Variants in PDE6A observed in about 807,000 individuals in gnomAD.
PDE6A encodes the protein rod cGMP-specific 3',5'-cyclic phosphodiesterase subunit alpha.
In PDE6A, 84 loss-of-function variants were observed where a neutral mutation model predicts 106.3. The observed-to-expected ratio is 0.79, with a 90% CI of 0.66 to 0.95. PDE6A has a LOEUF of 0.95. Ranked by LOEUF, PDE6A falls within the 40% of genes least tolerant of loss-of-function variation. PDE6A has a pLI of 0.00. For missense variants in PDE6A, 1,052 were observed against 1,084.9 expected (o/e 0.97, Z 0.43); for synonymous variants, 394 against 386.6 (o/e 1.02, Z -0.23).
At chr5:149,900,965 G>A (rs895867496) in intron 8 of PDE6A, among the ~76,000 whole-genome samples, 10 of 152,156 alleles carry the variant, frequency 6.6e-5, no homozygotes, top group African/African-American at 2.4e-4. Flanking sequence ...ACCCAGGCAG[G>A]AGTATAGTGG....
chr5:149,916,136 C>A (rs1460012571), intron 5 of PDE6A, among the ~76,000 whole-genome samples: 1 of 152,172 alleles, frequency 6.6e-6, no homozygotes, highest in Admixed American at 6.5e-5. Flanking sequence ...CCATGCCCGG[C>A]CTCATTTCTC....
chr5:149,931,130 A>G lies in PDE6A; in HGVS notation c.756T>C (p.Leu252=), dbSNP rs552900459. The G allele has an allele frequency of 6.2e-7, 1 of 1,614,172 alleles. No individual in the cohort carries two copies. The highest frequency in any genetic ancestry group is 1.7e-5 in the Admixed American group (1 of 60,026). Residue 252 remains leucine (L), a synonymous_variant, in exon 4 of 22, where the codon CTT becomes CTC. Coordinates refer to ENST00000255266, the MANE Select transcript of PDE6A (RefSeq NM_000440.3). ...LWSGSKVFEE[L]TDIERQFHKA... is the part of the protein sequence containing the mutation. Reference sequence around the variant, plus strand: ...TGTGGAACTGTCGTTCGATGTCCGTAAGTTCTTCAAAGACTTTGCTCCCAG... The same window carrying G: ...TGTGGAACTGTCGTTCGATGTCCGTGAGTTCTTCAAAGACTTTGCTCCCAG...
intron 17 of PDE6A, among the ~76,000 whole-genome samples, chr5:149,877,864 A>C (rs1760796353): frequency 6.6e-6 from 1 of 152,132 alleles, no homozygotes; most frequent in Non-Finnish European, 1.5e-5. Flanking sequence ...CCATGTGGGG[A>C]GGGGCCGACT....
At chr5:149,926,434 G>A (rs1581205995) in intron 4 of PDE6A, among the ~76,000 whole-genome samples, 1 of 151,930 alleles carries the variant, frequency 6.6e-6, no homozygotes, top group Non-Finnish European at 1.5e-5. Flanking sequence ...TTGGATGCTT[G>A]TACAGAAAAA....
chr5:149,862,207 G>C (rs1760169379), intron 21 of PDE6A, among the ~76,000 whole-genome samples: 1 of 152,180 alleles, frequency 6.6e-6, no homozygotes, highest in South Asian at 2.1e-4. Context: ...AAATGACTTG[G>C]GGGAGGGGCA....
chr5:149,929,107 T>C (rs1753951087), intron 4 of PDE6A, among the ~76,000 whole-genome samples: 1 of 152,236 alleles, frequency 6.6e-6, no homozygotes, highest in Non-Finnish European at 1.5e-5. Context: ...TCTGAAATTC[T>C]ACTTCTAGGT....
In PDE6A at chr5:149,921,752, T is replaced by G. The variant is rs1165476578; in HGVS notation, c.859-43A>C. 3.3e-6 allele frequency: 5 copies of G among 1,513,826 alleles called. No individual in the cohort carries two copies. The Admixed American group carries it at 8.4e-5, about 26-fold the overall frequency. The allele number at this position is 1,513,826 out of a possible 1,614,324, so 93.8% of individuals were successfully genotyped here. Reference sequence around the variant, plus strand: ...AATAATTACATGTTTTGAAAAGAGATCAAGGAAAGGAGATTAAGATGTCCC... The same window carrying G: ...AATAATTACATGTTTTGAAAAGAGAGCAAGGAAAGGAGATTAAGATGTCCC... On this transcript the variant is annotated intron_variant, in intron 4 of 21. Transcript: ENST00000255266.
At chr5:149,918,346 A>C (rs566545486) in intron 5 of PDE6A, among the ~76,000 whole-genome samples, 2 of 152,334 alleles carry the variant, frequency 1.3e-5, no homozygotes, top group South Asian at 2.1e-4. Flanking sequence ...ATATTCAGTT[A>C]AGTGAAAAAA....
At chr5:149,928,224 T>TAC (rs1753921658) in intron 4 of PDE6A, among the ~76,000 whole-genome samples, 2 of 59,862 alleles carry the variant, frequency 3.3e-5, no homozygotes, top group South Asian at 4.4e-4. Context: ...TATATATATA[T>TAC]ATATATATTT....
intron 6 of PDE6A, among the ~76,000 whole-genome samples, chr5:149,911,350 T>G (rs958426323): frequency 6.6e-6 from 1 of 152,184 alleles, no homozygotes; most frequent in Non-Finnish European, 1.5e-5. Flanking sequence ...CCAATCTGCT[T>G]TTTTGTTCTT....
chr5:149,915,704 T>A (rs1005204294), intron 5 of PDE6A, among the ~76,000 whole-genome samples: 2 of 152,196 alleles, frequency 1.3e-5, no homozygotes, highest in African/African-American at 4.8e-5. Context: ...GACATTTTTG[T>A]CATACCCAAA....
chr5:149,869,316 C>T (rs188413277), intron 17 of PDE6A, among the ~76,000 whole-genome samples: 38 of 130,448 alleles, frequency 2.9e-4, no homozygotes, highest in African/African-American at 1.0e-3. Context: ...GGCGACAGAT[C>T]GAGACTCCAT....
chr5:149,908,078 C>G (rs1753257877), intron 6 of PDE6A, among the ~76,000 whole-genome samples: 1 of 152,112 alleles, frequency 6.6e-6, no homozygotes, highest in Non-Finnish European at 1.5e-5. Context: ...TTTCCTGTAC[C>G]TGTTAGTTTA....
chr5:149,936,331 C>T (rs1214961051), intron 1 of PDE6A, among the ~76,000 whole-genome samples: 1 of 152,100 alleles, frequency 6.6e-6, no homozygotes, highest in Non-Finnish European at 1.5e-5. Flanking sequence ...TTAAGAGAAG[C>T]TTGTAGTGCT....
intron 20 of PDE6A, among the ~76,000 whole-genome samples, chr5:149,865,239 C>CAA (rs368494356): frequency 0.043 from 4,534 of 105,324 alleles, 297 homozygotes; most frequent in African/African-American, 0.14. Context: ...GATTCTGTCT[C>CAA]AAAAAAAAAA....
rs1760217483 is a variant in PDE6A, at chr5:149,863,485, G to A, written c.2359-219C>T. 6.6e-6 allele frequency among the ~76,000 whole-genome samples: 1 copy of A among 152,198 alleles called. No homozygotes were observed. The highest frequency in any genetic ancestry group is 2.1e-4 in the South Asian group (1 of 4,832). Reference sequence around the variant, plus strand: ...GCGCCCCTGTCCTTCAGCATGAAGTGAAAACCCCTTACTATGGCTTTCAAA... The same window carrying A: ...GCGCCCCTGTCCTTCAGCATGAAGTAAAAACCCCTTACTATGGCTTTCAAA... On this transcript the variant is annotated intron_variant, in intron 20 of 21. Transcript: ENST00000255266. The surrounding 1 kb of genome is among the most constrained non-coding windows in gnomAD (Gnocchi z 4.7).
chr5:149,933,190 A>C (rs908394602), intron 3 of PDE6A, among the ~76,000 whole-genome samples: 1 of 152,016 alleles, frequency 6.6e-6, no homozygotes, highest in Non-Finnish European at 1.5e-5. Flanking sequence ...ATGAGTTTCC[A>C]CTTCTGGCCT....
chr5:149,937,536 C>A (rs1411252007), intron 1 of PDE6A, among the ~76,000 whole-genome samples: 2 of 152,062 alleles, frequency 1.3e-5, no homozygotes, highest in Non-Finnish European at 2.9e-5. Context: ...TACCACCATG[C>A]CCGACTAATT....
chr5:149,863,033 C>T lies in PDE6A; in HGVS notation c.2506+86G>A, dbSNP rs1044945818. On this transcript the variant is annotated intron_variant, in intron 21 of 21. Coordinates refer to ENST00000255266, the MANE Select transcript of PDE6A (RefSeq NM_000440.3). The surrounding 1 kb of genome is among the most constrained non-coding windows in gnomAD (Gnocchi z 4.7). ...CCATCAGGAGGCCTGAATGAGACTC[C>T]GTGTAAGAGTCTCTGAGGCAGGACG... The T allele has an allele frequency of 1.7e-5, 25 of 1,504,886 alleles. No homozygotes were observed. Among genetic ancestry groups the T allele is most frequent in the African/African-American group, 1.6e-4 (12 of 72,746 alleles). The allele number at this position is 1,504,886 out of a possible 1,614,324, so 93.2% of individuals were successfully genotyped here. A position where few individuals can be genotyped will look rare whatever the true frequency, so the allele number is the denominator to read the frequency against.
Sources: allele counts gnomAD v4.1 joint callset (sites outside exome capture counted in the v4.1 genomes callset), GRCh38; gene constraint gnomAD v4.1.1; non-coding constraint Gnocchi (gnomAD v3.1); transcripts MANE v1.5; gene names NCBI Gene and HGNC (gene_info 2026-07-23, HGNC 2026-07-21).